The following ACVRL1 variants were observed in gnomAD, a reference collection of about 807,000 sequenced individuals.
ACVRL1 encodes the protein activin receptor type-1-like.
In ACVRL1, 20 loss-of-function variants were observed where a neutral mutation model predicts 51.9. The ratio of observed to expected loss-of-function variants is 0.39; its 90% confidence interval spans 0.27 to 0.56. The LOEUF (loss-of-function observed/expected upper bound fraction) is 0.56, where lower values mean the gene tolerates loss of function less well. Ranked by LOEUF, ACVRL1 falls within the 20% of genes least tolerant of loss-of-function variation. The probability of loss-of-function intolerance (pLI) is 0.67; values close to 1 mark genes in which losing one functional copy is unlikely to be tolerated. For synonymous variants in ACVRL1, 288 were observed against 280.9 expected (o/e 1.03, Z -0.25); for missense variants, 451 against 670.3 (o/e 0.67, Z 3.61).
chr12:51,909,513 C>G (rs2139056444), intron 1 of ACVRL1, among the ~76,000 whole-genome samples: 1 of 152,108 alleles, frequency 6.6e-6, no homozygotes, highest in East Asian at 1.9e-4. Context: ...TAAAAACAAA[C>G]AAAAACGCTG....
intron 1 of ACVRL1, among the ~76,000 whole-genome samples, chr12:51,909,462 C>T (rs11169952): frequency 6.6e-6 from 1 of 152,044 alleles, no homozygotes; most frequent in Non-Finnish European, 1.5e-5. Flanking sequence ...CCACTGCACT[C>T]CAGCCTGGGC....
intron 1 of ACVRL1, among the ~76,000 whole-genome samples, chr12:51,912,151 G>A (rs1476717559): frequency 6.6e-6 from 1 of 152,192 alleles, no homozygotes; most frequent in Non-Finnish European, 1.5e-5. Context: ...CCCCAATTGG[G>A]TGCTCCCTGC....
At chr12:51,913,896 GCAGGTCC>G (rs1030032862) in intron 4 of ACVRL1, 71 bp from the exon 5 acceptor site, 223 of 1,573,390 alleles carry the variant, frequency 1.4e-4, no homozygotes, top group Non-Finnish European at 1.7e-4. Flanking sequence ...CAGTGACCCA[GCAGGTCC>G]CAGGTCGAGG....
rs555706400 is a variant in ACVRL1, at chr12:51,913,780, T to C, written c.525+10T>C. 67 of 1,610,240 alleles carry C rather than the reference T, an allele frequency of 4.2e-5. 1 individual carries two copies. The South Asian group carries it at 7.0e-4, about 17-fold the overall frequency. On this transcript the variant is annotated intron_variant, in intron 4 of 9. Transcript: ENST00000388922. ...CGACAGCATGTTGGGGGTATGGGCC[T>C]GGGGACCTGGGACACAGGGTGTAGG... is the stretch of plus-strand genomic sequence containing the variant.
Position 51,913,215 on chromosome 12 carries a change from G to T in ACVRL1, c.178G>T (p.Gly60Trp). The change falls in exon 3 of 10, where the codon GGG becomes TGG. Residue 60 changes from glycine to tryptophan, a missense_variant. Coordinates refer to ENST00000388922, the MANE Select transcript of ACVRL1 (RefSeq NM_000020.3). Reference protein sequence around the residue: ...WCTVVLVREEGRHPQEHRGCG... With the variant: ...WCTVVLVREEWRHPQEHRGCG... ...CACAGTAGTGCTGGTGCGGGAGGAG[G>T]GGAGGCACCCCCAGGAACATCGGGG... 6.3e-7 allele frequency: 1 copy of T among 1,590,658 alleles called. No homozygotes were observed. The highest frequency in any genetic ancestry group is 2.3e-5 in the East Asian group (1 of 44,054).
At chr12:51,916,004 A>G (rs1940829463) in intron 7 of ACVRL1, 32 bp from the exon 8 acceptor site, 15 of 1,599,252 alleles carry the variant, frequency 9.4e-6, no homozygotes, top group Non-Finnish European at 1.2e-5. Context: ...GGTTTGGGAG[A>G]GGGGCAGGAG....
Position 51,910,386 on chromosome 12 carries a change from C to T in ACVRL1, c.-5-2084C>T, listed in dbSNP as rs114015104. The stretch of plus-strand genomic sequence containing the variant: ...TGCCCACACAAACTGATCAGAACTC[C>T]CTGGGGAACTTTTAAAAAATGCATG... On this transcript the variant is annotated intron_variant, in intron 1 of 9. Coordinates refer to ENST00000388922, the MANE Select transcript of ACVRL1 (RefSeq NM_000020.3). 7.7e-3 allele frequency among the ~76,000 whole-genome samples: 1,178 copies of T among 152,242 alleles called. 8 individuals carry two copies. The highest frequency in any genetic ancestry group is 0.011 in the Non-Finnish European group (746 of 68,010).
chr12:51,919,185 C>A (rs945523407), intron 9 of ACVRL1, 70 bp downstream of exon 9: 2 of 1,608,682 alleles, frequency 1.2e-6, no homozygotes, highest in Non-Finnish European at 1.7e-6. Context: ...GGCCCAGGAA[C>A]TTGTGTCTGA....
intron 7 of ACVRL1, 159 bp downstream of exon 7, chr12:51,915,659 C>T (rs1416443639): frequency 1.9e-6 from 2 of 1,035,980 alleles, no homozygotes; most frequent in Non-Finnish European, 2.7e-6. Context: ...GTTGTCTGAA[C>T]ACCCTTTTCA....
intron 2 of ACVRL1, among the ~76,000 whole-genome samples, chr12:51,912,761 T>G (rs1940718490): frequency 6.6e-6 from 1 of 152,024 alleles, no homozygotes; most frequent in Non-Finnish European, 1.5e-5. Context: ...TCTGTCAGAC[T>G]AGGGTGGAAG....
intron 6 of ACVRL1, among the ~76,000 whole-genome samples, chr12:51,914,809 T>G (rs1940791597): frequency 6.6e-6 from 1 of 152,068 alleles, no homozygotes; most frequent in African/African-American, 2.4e-5. Context: ...GATGCAGTGG[T>G]GCAATCTCAC....
At chr12:51,915,559 C>T in intron 7 of ACVRL1, 59 bp downstream of exon 7, 1 of 1,556,568 alleles carries the variant, frequency 6.4e-7, no homozygotes, top group Non-Finnish European at 8.7e-7. Flanking sequence ...GTGCGCTCTC[C>T]TCTCCTTTGC....
chr12:51,912,403 G>A (rs1356428718), intron 1 of ACVRL1, 67 bp from the exon 2 acceptor site: 3 of 1,553,098 alleles, frequency 1.9e-6, no homozygotes, highest in Non-Finnish European at 2.7e-6. Context: ...CTGGGCAGGA[G>A]GGAGCCACGG....
Position 51,915,514 on chromosome 12 carries a change from G to C in ACVRL1, c.1048+14G>C, listed in dbSNP as rs1423230259. On this transcript the variant is annotated intron_variant, in intron 7 of 9. Transcript: ENST00000388922. ...TCGCCGACCTGGGTGAGCCGGGCGG[G>C]GCAGGGGCGCGCCCTTCACAGGTGG... 2 of 1,602,392 alleles carry C rather than the reference G, an allele frequency of 1.2e-6. No homozygotes were observed. Among genetic ancestry groups the C allele is most frequent in the Middle Eastern group, 2.2e-4 (1 of 4,498 alleles).
chr12:51,915,953 T>C (rs1007203753), intron 7 of ACVRL1, 83 bp from the exon 8 acceptor site: 3 of 1,481,860 alleles, frequency 2.0e-6, no homozygotes, highest in Admixed American at 1.8e-5. Context: ...TCTGTCCCAC[T>C]GTTTCTCTCA....
intron 7 of ACVRL1, chr12:51,915,782 T>G: frequency 1.6e-6 from 1 of 635,578 alleles, no homozygotes; most frequent in Non-Finnish European, 2.7e-6. Flanking sequence ...GTCTGCTCTG[T>G]GAAGTGGGCT....
chr12:51,919,036 C>A lies in ACVRL1; in HGVS notation c.1298C>A (p.Pro433His), dbSNP rs1940907270. ...TTCTATGATGTGGTGCCCAATGACC[C>A]CAGCTTTGAGGACATGAAGAAGGTG... ...PPFYDVVPNDPSFEDMKKVVC... is the reference protein window; with the variant it reads ...PPFYDVVPNDHSFEDMKKVVC... The change falls in exon 9 of 10, where the codon CCC becomes CAC. Residue 433 changes from proline (P) to histidine (H), a missense_variant. Physicochemically the swap from Pro to His is moderately conservative, Grantham distance 77. Coordinates refer to ENST00000388922, the MANE Select transcript of ACVRL1 (RefSeq NM_000020.3). 6.2e-7 allele frequency: 1 copy of A among 1,614,112 alleles called. No homozygotes were observed. The highest frequency in any genetic ancestry group is 8.5e-7 in the Non-Finnish European group (1 of 1,180,012).
At position 51,913,784 on chromosome 12, in the gene ACVRL1, G is replaced by T; in HGVS notation, c.525+14G>T. On this transcript the variant is annotated intron_variant, in intron 4 of 9. Coordinates refer to ENST00000388922, the MANE Select transcript of ACVRL1 (RefSeq NM_000020.3). ...AGCATGTTGGGGGTATGGGCCTGGG[G>T]ACCTGGGACACAGGGTGTAGGAGGG... The T allele has an allele frequency of 6.2e-7, 1 of 1,610,088 alleles. No homozygotes were observed. The highest frequency in any genetic ancestry group is 8.5e-7 in the Non-Finnish European group (1 of 1,179,792).
intron 3 of ACVRL1, 26 bp downstream of exon 3, chr12:51,913,376 C>T (rs1012919046): frequency 6.2e-7 from 1 of 1,609,132 alleles, no homozygotes; most frequent in African/African-American, 1.3e-5. Flanking sequence ...CTAGCACTCC[C>T]TCCCCATCTT....
Sources: allele counts gnomAD v4.1 joint callset (sites outside exome capture counted in the v4.1 genomes callset), GRCh38; gene constraint gnomAD v4.1.1; transcripts MANE v1.5; gene names NCBI Gene and HGNC (gene_info 2026-07-23, HGNC 2026-07-21).